Variants in IL1RL1 observed in about 807,000 individuals in gnomAD.
IL1RL1 encodes the protein interleukin 1 receptor like 1, also known as interleukin-1 receptor-like 1.
A neutral mutation model predicts 50.9 loss-of-function variants in IL1RL1; 32 were observed. That is an observed-to-expected ratio of 0.63 (90% confidence interval 0.47 to 0.84). IL1RL1 has a LOEUF of 0.84. IL1RL1 is among the 40% of genes least tolerant of loss of function. The pLI is 0.00. For synonymous variants in IL1RL1, 275 were observed against 236.0 expected, an observed-to-expected ratio of 1.17 and a Z score of -1.51; for missense variants, 773 against 662.9, an observed-to-expected ratio of 1.17 and a Z score of -1.82.
intron 1 of IL1RL1, among the ~76,000 whole-genome samples, chr2:102,336,864 C>G (rs1013072767): frequency 6.6e-5 from 10 of 152,142 alleles, no homozygotes; most frequent in African/African-American, 1.9e-4. Context: ...TTTTGAAACT[C>G]CTGGCACCAA....
At chr2:102,313,856 C>A (rs573093794) in intron 1 of IL1RL1, among the ~76,000 whole-genome samples, 20 of 152,124 alleles carry the variant, frequency 1.3e-4, no homozygotes, top group South Asian at 2.1e-4. Flanking sequence ...CACTTGCATG[C>A]GCGTGCATGT....
intron 10 of IL1RL1, among the ~76,000 whole-genome samples, chr2:102,349,562 T>C (rs1405863355): frequency 6.6e-6 from 1 of 152,206 alleles, no homozygotes; most frequent in African/African-American, 2.4e-5. Context: ...CTGCCACTTC[T>C]TAATTCTGTC....
intron 1 of IL1RL1, among the ~76,000 whole-genome samples, chr2:102,327,414 A>C (rs1677043069): frequency 6.6e-6 from 1 of 151,564 alleles, no homozygotes; most frequent in South Asian, 2.1e-4. Context: ...AAAGATCTAA[A>C]ATTGACACAC....
At chr2:102,342,730 T>C (rs995004807) in intron 6 of IL1RL1, among the ~76,000 whole-genome samples, 3 of 152,110 alleles carry the variant, frequency 2.0e-5, no homozygotes, top group Non-Finnish European at 4.4e-5. Flanking sequence ...TAGAGGGCAA[T>C]CCTTTTACTA....
At chr2:102,323,277 T>TA (rs1559596439) in intron 1 of IL1RL1, among the ~76,000 whole-genome samples, 211 of 33,858 alleles carry the variant, frequency 6.2e-3, no homozygotes, top group African/African-American at 0.022. Flanking sequence ...ATATATAGTG[T>TA]GTGTGTGTGT....
chr2:102,342,753 A>C (rs969520448), intron 6 of IL1RL1, among the ~76,000 whole-genome samples: 1 of 152,112 alleles, frequency 6.6e-6, no homozygotes, highest in Non-Finnish European at 1.5e-5. Context: ...AATCCTTTGT[A>C]ATGTGGGGTT....
At chr2:102,314,224 T>C (rs1447205229) in intron 1 of IL1RL1, among the ~76,000 whole-genome samples, 1 of 152,166 alleles carries the variant, frequency 6.6e-6, no homozygotes, top group Non-Finnish European at 1.5e-5. Flanking sequence ...ACACACCACA[T>C]CCTGCCATTC....
intron 9 of IL1RL1, 32 bp downstream of exon 9, chr2:102,348,123 A>T: frequency 4.4e-6 from 7 of 1,576,762 alleles, no homozygotes; most frequent in Non-Finnish European, 6.1e-6. Context: ...TTTCTCCCAA[A>T]GAAAAAGTCC....
chr2:102,351,284 C>T (rs932211856), intron 10 of IL1RL1, among the ~76,000 whole-genome samples: 4 of 152,126 alleles, frequency 2.6e-5, no homozygotes, highest in African/African-American at 9.7e-5. Flanking sequence ...CTTGGAAGGA[C>T]TCTGTTTTAG....
chr2:102,343,889 T>C, intron 8 of IL1RL1: 1 of 998,904 alleles, frequency 1.0e-6, no homozygotes, highest in Non-Finnish European at 1.2e-6. Flanking sequence ...AGGGGAAGTA[T>C]CAAACTACTG....
At position 102,340,842 on chromosome 2, in the gene IL1RL1, A is replaced by C; in HGVS notation, c.610+14A>C. 1 of 1,552,254 alleles carries C rather than the reference A, an allele frequency of 6.4e-7. No homozygotes were observed. The highest frequency in any genetic ancestry group is 8.6e-7 in the Non-Finnish European group (1 of 1,157,686). On this transcript the variant is annotated intron_variant, in intron 5 of 10. Coordinates refer to ENST00000233954, the MANE Select transcript of IL1RL1 (RefSeq NM_016232.5). ...TCACGGTCAAGGGTAAGCTACTGAC[A>C]TTAATGAGATAGAATACTACGTGAA...
chr2:102,343,434 A>G lies in IL1RL1; in HGVS notation c.970+19A>G, dbSNP rs764381555. The G allele has an allele frequency of 6.2e-7, 1 of 1,614,204 alleles. No homozygotes were observed. The highest frequency in any genetic ancestry group is 8.5e-7 in the Non-Finnish European group (1 of 1,180,032). ...AATCCAAGTAAGGAGTGTTTCTGAG[A>G]CTTTGATCACCTGAACTTTCTCTAG... is the stretch of plus-strand genomic sequence containing the variant. On this transcript the variant is annotated intron_variant, in intron 8 of 10. Transcript: ENST00000233954.
chr2:102,344,359 T>C (rs13007819), intron 8 of IL1RL1: 101,423 of 951,938 alleles, frequency 0.11, 6,023 homozygotes, highest in Middle Eastern at 0.26. Context: ...ACATTATCAT[T>C]GTTAAACTTT....
At position 102,349,046 on chromosome 2, in the gene IL1RL1, G is replaced by A. The variant is rs752502987; in HGVS notation, c.1118-33G>A. ...GTCCAGTGAGAATTTTTAGAATCAAGTAAGAAGTTGTACTTCTTGTTTTCA... is the reference window on the plus strand; with the variant it reads ...GTCCAGTGAGAATTTTTAGAATCAAATAAGAAGTTGTACTTCTTGTTTTCA... On this transcript the variant is annotated intron_variant, in intron 9 of 10. Transcript: ENST00000233954. 52 of 1,550,826 alleles carry A rather than the reference G, an allele frequency of 3.4e-5. No homozygotes were observed. The East Asian group carries it at 4.3e-4, about 13-fold the overall frequency.
intron 1 of IL1RL1, among the ~76,000 whole-genome samples, chr2:102,325,744 G>C (rs533267451): frequency 6.6e-6 from 1 of 152,322 alleles, no homozygotes; most frequent in Admixed American, 6.5e-5. Flanking sequence ...CTGGAAGAAA[G>C]GGTATCAGTG....
rs767619838 is a variant in IL1RL1, at chr2:102,351,885, C to T, written c.1635C>T (p.Ala545=). 6.2e-7 allele frequency: 1 copy of T among 1,613,354 alleles called. No individual in the cohort carries two copies. Among genetic ancestry groups the T allele is most frequent in the African/African-American group, 1.3e-5 (1 of 74,872 alleles). Residue 545 remains alanine (A), a synonymous_variant, in exon 11 of 11, where the codon GCC becomes GCT. Coordinates refer to ENST00000233954, the MANE Select transcript of IL1RL1 (RefSeq NM_016232.5). ...TGCCAAGCAAAATTCCCAGAAAGGC[C>T]TCTAGTTTGACTCCCTTGGCTGCCC... The part of the protein sequence containing the change: ...MPVPSKIPRK[A]SSLTPLAAQK...
intron 8 of IL1RL1, 153 bp downstream of exon 8, chr2:102,343,568 T>A: frequency 6.5e-7 from 1 of 1,536,384 alleles, no homozygotes; most frequent in Non-Finnish European, 8.7e-7. Flanking sequence ...TGCTGTCTGA[T>A]CTTTGTAGAC....
intron 1 of IL1RL1, among the ~76,000 whole-genome samples, chr2:102,327,267 C>T (rs931807470): frequency 4.6e-5 from 7 of 151,762 alleles, no homozygotes; most frequent in Non-Finnish European, 5.9e-5. Flanking sequence ...GGGTACATAA[C>T]GAAATGAAGG....
rs75741013 is a variant in IL1RL1, at chr2:102,324,486, G to T, written c.-150+12863G>T. On this transcript the variant is annotated intron_variant, in intron 1 of 10. Coordinates refer to ENST00000233954, the MANE Select transcript of IL1RL1 (RefSeq NM_016232.5). ...GAGGTACTGGGTTCATCTCACTGGG[G>T]CGTGTCGGATAGTGGGTGCAGGACA... 3.7e-3 allele frequency among the ~76,000 whole-genome samples: 568 copies of T among 152,340 alleles called. 6 individuals are homozygous for T. The highest frequency in any genetic ancestry group is 0.013 in the African/African-American group (539 of 41,582).
Sources: allele counts gnomAD v4.1 joint callset (sites outside exome capture counted in the v4.1 genomes callset), GRCh38; gene constraint gnomAD v4.1.1; transcripts MANE v1.5; gene names NCBI Gene and HGNC (gene_info 2026-07-23, HGNC 2026-07-21).